ARHGAP33: variants seen among roughly 807,000 people sequenced by gnomAD.
ARHGAP33 encodes the protein rho GTPase-activating protein 33.
ARHGAP33 carries 57 observed loss-of-function variants against 126.2 expected under a neutral mutation model. The ratio of observed to expected loss-of-function variants is 0.45; its 90% CI spans 0.36 to 0.56. The LOEUF (loss-of-function observed/expected upper bound fraction) is 0.56, where lower values mean the gene tolerates loss of function less well. Among genes scored for constraint, ARHGAP33 ranks in the 20% least tolerant of loss-of-function variants. ARHGAP33 has a pLI of 0.00. For missense variants in ARHGAP33, 1,500 were observed against 1,748.3 expected (o/e 0.86, Z 2.53); for synonymous variants, 711 against 755.0 (o/e 0.94, Z 0.95).
rs1971572639 is a variant in ARHGAP33, at chr19:35,778,445, T to G, written c.271-19T>G. Reference sequence around the variant, plus strand: ...GTGTCATGGGGCCCCTGCTCCCTTCTGTCCCTCTGCTCCCACAGGGCCGTT... The same window carrying G: ...GTGTCATGGGGCCCCTGCTCCCTTCGGTCCCTCTGCTCCCACAGGGCCGTT... On this transcript the variant is annotated intron_variant, in intron 4 of 20. Coordinates refer to ENST00000007510, the MANE Select transcript of ARHGAP33 (RefSeq NM_001366178.1). 1 of 1,614,062 alleles carries G rather than the reference T, an allele frequency of 6.2e-7. No individual in the cohort carries two copies.
Position 35,788,365 on chromosome 19 carries a change from C to T in ARHGAP33, c.3800C>T (p.Pro1267Leu), listed in dbSNP as rs911359466. 1 of 1,597,522 alleles carries T rather than the reference C, an allele frequency of 6.3e-7. No homozygotes were observed. The highest frequency in any genetic ancestry group is 8.5e-7 in the Non-Finnish European group (1 of 1,172,972). The change falls in exon 21 of 21, where the codon CCA (proline) becomes CTA (leucine). Residue 1267 changes from proline (P) to leucine (L), a missense_variant. Physicochemically the swap from Pro to Leu is moderately conservative, Grantham distance 98. Coordinates refer to ENST00000007510, the MANE Select transcript of ARHGAP33 (RefSeq NM_001366178.1). ...GGQRGEGAGP[P>L]PPYPTPSWSL... ...CAAAGAGGGGAGGGGGCTGGTCCCC[C>T]ACCCCCTTACCCCACTCCCAGCTGG...
chr19:35,788,298 G>A lies in ARHGAP33; in HGVS notation c.3733G>A (p.Gly1245Arg), dbSNP rs765318855. Residue 1245 changes from glycine to arginine, a missense_variant, in exon 21 of 21, where the codon GGG (glycine) becomes AGG (arginine). Transcript: ENST00000007510. ...YRAAPPAYGR[G>R]GELHRGSLYR... Reference sequence around the variant, plus strand: ...GGCAGCCCCGCCAGCCTACGGAAGGGGGGGCGAGCTCCACCGAGGGTCCTT... The same window carrying A: ...GGCAGCCCCGCCAGCCTACGGAAGGAGGGGCGAGCTCCACCGAGGGTCCTT... 17 of 1,608,260 alleles carry A rather than the reference G, an allele frequency of 1.1e-5. No homozygotes were observed. The highest frequency in any genetic ancestry group is 2.2e-5 in the South Asian group (2 of 90,660).
intron 9 of ARHGAP33, 50 bp from the exon 10 acceptor site, chr19:35,780,707 G>T (rs1441923406): frequency 6.2e-7 from 1 of 1,612,766 alleles, no homozygotes; most frequent in Non-Finnish European, 8.5e-7. Flanking sequence ...GGGGCCTCCT[G>T]CGTCTTTTGC....
chr19:35,784,768 T>TG, intron 16 of ARHGAP33, 185 bp from the exon 17 acceptor site: 1 of 1,364,238 alleles, frequency 7.3e-7, no homozygotes. Flanking sequence ...CATCAGCTCG[T>TG]CCCGCCCCGC....
At chr19:35,776,608 C>T (rs1272277850) in intron 1 of ARHGAP33, among the ~76,000 whole-genome samples, 2 of 152,352 alleles carry the variant, frequency 1.3e-5, no homozygotes, top group East Asian at 1.9e-4. Context: ...CCCTGCTGCG[C>T]GCGACTGGGC....
intron 1 of ARHGAP33, among the ~76,000 whole-genome samples, chr19:35,776,030 G>C (rs1971438668): frequency 6.6e-6 from 1 of 151,616 alleles, no homozygotes; most frequent in Admixed American, 6.6e-5. Context: ...CCTTCTGCCA[G>C]CCCTCAGCCC....
intron 5 of ARHGAP33, 127 bp downstream of exon 5, chr19:35,778,728 T>A: frequency 1.5e-6 from 2 of 1,308,080 alleles, no homozygotes; most frequent in Non-Finnish European, 1.0e-6. Flanking sequence ...CCAATCTGAA[T>A]GAATGGAGAA....
At position 35,788,641 on chromosome 19, in the gene ARHGAP33, G is replaced by C. The variant is rs1972250792; in HGVS notation, c.*212G>C. On this transcript the variant is annotated 3_prime_UTR_variant, in exon 21 of 21. Transcript: ENST00000007510. ...CCATCCCCCCACCACCCTCCATCCT[G>C]GGGGCCCTCGCACAAATCTGGGGTG... The C allele has an allele frequency of 1.9e-6, 1 of 515,012 alleles. No individual in the cohort carries two copies. Among genetic ancestry groups the C allele is most frequent in the Non-Finnish European group, 3.4e-6 (1 of 298,100 alleles). 31.9% of individuals were successfully genotyped at this position (515,012 alleles called of 1,614,324 possible). A position where few individuals can be genotyped will look rare whatever the true frequency, so the allele number is the denominator to read the frequency against.
At chr19:35,779,508 C>A (rs1232685288) in intron 6 of ARHGAP33, among the ~76,000 whole-genome samples, 1 of 152,164 alleles carries the variant, frequency 6.6e-6, no homozygotes, top group African/African-American at 2.4e-5. Flanking sequence ...TCGCCCACCA[C>A]AACCCCTGCC....
rs1206258454 is a variant in ARHGAP33, at chr19:35,787,700, C to T, written c.3135C>T (p.Leu1045=). The part of the protein sequence containing the change: ...PAPRECLPPF[L]GVPKPGLYPL... ...CCAGGGAGTGCCTGCCACCCTTCCT[C>T]GGGGTCCCCAAGCCAGGCTTGTACC... The change falls in exon 21 of 21, where the codon CTC becomes CTT. Residue 1045 remains leucine, a synonymous_variant. Coordinates refer to ENST00000007510, the MANE Select transcript of ARHGAP33 (RefSeq NM_001366178.1). 1.4e-5 allele frequency: 23 copies of T among 1,593,856 alleles called. No homozygotes were observed. The highest frequency in any genetic ancestry group is 2.2e-5 in the East Asian group (1 of 44,762).
At position 35,786,762 on chromosome 19, in the gene ARHGAP33, C is replaced by A; in HGVS notation, c.2292C>A (p.Pro764=). 1 of 1,517,092 alleles carries A rather than the reference C, an allele frequency of 6.6e-7. No individual in the cohort carries two copies. Among genetic ancestry groups the A allele is most frequent in the South Asian group, 1.2e-5 (1 of 80,728 alleles). 94.0% of individuals were successfully genotyped at this position (1,517,092 alleles called of 1,614,324 possible). ...DPAPPASPAP[P]APASAFPPRV... Reference sequence around the variant, plus strand: ...CACCTCCCGCCAGCCCAGCACCCCCCGCCCCTGCCTCTGCCTTCCCACCCA... The same window carrying A: ...CACCTCCCGCCAGCCCAGCACCCCCAGCCCCTGCCTCTGCCTTCCCACCCA... Residue 764 remains proline, a synonymous_variant, in exon 20 of 21, where the codon CCC becomes CCA. Coordinates refer to ENST00000007510, the MANE Select transcript of ARHGAP33 (RefSeq NM_001366178.1). The surrounding 1 kb of genome is among the most constrained non-coding windows in gnomAD (Gnocchi z 7.0).
In ARHGAP33 at chr19:35,777,693, C is replaced by G; in HGVS notation, c.55C>G (p.Pro19Ala). The change falls in exon 2 of 21, where the codon CCT (proline) becomes GCT (alanine). Residue 19 changes from proline (P) to alanine (A), a missense_variant. Around this residue, in one of 6 missense-constraint regions of ARHGAP33, gnomAD observed 129 missense variants for 145.9 expected, o/e 0.88. Transcript: ENST00000007510. ...TGGCCCAGGGGAGGGCTCGGTGCAG[C>G]CTCTACCCACTGCTGGGGGGCCCAG... ...LDGPGEGSVQ[P>A]LPTAGGPSVK... is the part of the protein sequence containing the mutation. The G allele has an allele frequency of 6.3e-7, 1 of 1,598,672 alleles. No individual in the cohort carries two copies. Among genetic ancestry groups the G allele is most frequent in the Non-Finnish European group, 8.5e-7 (1 of 1,172,670 alleles).
At chr19:35,776,345 G>A (rs897168785) in intron 1 of ARHGAP33, among the ~76,000 whole-genome samples, 5 of 151,514 alleles carry the variant, frequency 3.3e-5, no homozygotes, top group African/African-American at 7.3e-5. Context: ...TGCTGCTCCC[G>A]CTCATTCATC....
chr19:35,785,684 A>G (rs1388549112), intron 19 of ARHGAP33: 1 of 1,425,308 alleles, frequency 7.0e-7, no homozygotes, highest in Non-Finnish European at 9.1e-7. Flanking sequence ...TAACTTACTC[A>G]TTGGTCCATG....
rs368625191 is a variant in ARHGAP33, at chr19:35,787,302, G to A, written c.2737G>A (p.Glu913Lys). The change falls in exon 21 of 21, where the codon GAG becomes AAG. Residue 913 changes from glutamate to lysine, a missense_variant. Glu to Lys is a moderately conservative substitution (Grantham distance 56, BLOSUM62 1). Around this residue, in one of 6 missense-constraint regions of ARHGAP33, gnomAD observed 642 missense variants for 634.0 expected, o/e 1.01. Coordinates refer to ENST00000007510, the MANE Select transcript of ARHGAP33 (RefSeq NM_001366178.1). ...ALAERAQQVAEQQSQQECGGT... is the reference protein window; with the variant it reads ...ALAERAQQVAKQQSQQECGGT... Reference sequence around the variant, plus strand: ...GGCTGAGCGGGCTCAGCAGGTGGCCGAGCAACAGAGCCAGCAGGAGTGTGG... The same window carrying A: ...GGCTGAGCGGGCTCAGCAGGTGGCCAAGCAACAGAGCCAGCAGGAGTGTGG... 40 of 1,612,356 alleles carry A rather than the reference G, an allele frequency of 2.5e-5. No homozygotes were observed. Among genetic ancestry groups the A allele is most frequent in the African/African-American group, 4.0e-5 (3 of 74,854 alleles).
intron 19 of ARHGAP33, chr19:35,785,819 C>T (rs1972083804): frequency 1.7e-6 from 2 of 1,186,356 alleles, no homozygotes; most frequent in South Asian, 2.0e-5. Flanking sequence ...TTCCTCCCCA[C>T]TGGAGGCATC....
In ARHGAP33 at chr19:35,777,745, G is replaced by A. The variant is rs537032920; in HGVS notation, c.104+3G>A. Reference sequence around the variant, plus strand: ...GTGAAGGGGAAGCCTGGGAAGAGGTGAGGGTGAGGGAGGAAAGGGCTCAGC... The same window carrying A: ...GTGAAGGGGAAGCCTGGGAAGAGGTAAGGGTGAGGGAGGAAAGGGCTCAGC... On this transcript the variant is annotated splice_donor_region_variant and intron_variant, in intron 2 of 20. Transcript: ENST00000007510. 3.5e-5 allele frequency: 57 copies of A among 1,613,206 alleles called. No homozygotes were observed. In the Admixed American group the frequency reaches 3.8e-4, roughly 11 times the overall value.
chr19:35,781,137 T>A lies in ARHGAP33; in HGVS notation c.983-13T>A. 6.5e-7 allele frequency: 1 copy of A among 1,532,736 alleles called. No individual in the cohort carries two copies. Among genetic ancestry groups the A allele is most frequent in the Non-Finnish European group, 8.9e-7 (1 of 1,129,868 alleles). 94.9% of individuals were successfully genotyped at this position (1,532,736 alleles called of 1,614,324 possible). A position where few individuals can be genotyped will look rare whatever the true frequency, so the allele number is the denominator to read the frequency against. Reference sequence around the variant, plus strand: ...GCTGCGGCCCACCCAGCCCTGACCTTGCTTTCTCCCAGTGCCCCAGGTGCT... The same window carrying A: ...GCTGCGGCCCACCCAGCCCTGACCTAGCTTTCTCCCAGTGCCCCAGGTGCT... On this transcript the variant is annotated splice_polypyrimidine_tract_variant and intron_variant, in intron 11 of 20. Transcript: ENST00000007510.
At position 35,781,005 on chromosome 19, in the gene ARHGAP33, G is replaced by A; in HGVS notation, c.915G>A (p.Arg305=). 1 of 1,611,934 alleles carries A rather than the reference G, an allele frequency of 6.2e-7. No individual in the cohort carries two copies. The highest frequency in any genetic ancestry group is 8.5e-7 in the Non-Finnish European group (1 of 1,179,906). Residue 305 remains arginine, a synonymous_variant, in exon 11 of 21, where the codon CGG becomes CGA. Coordinates refer to ENST00000007510, the MANE Select transcript of ARHGAP33 (RefSeq NM_001366178.1). The stretch of plus-strand genomic sequence containing the variant: ...CTTCTCGGCAGCGGCTGCGGCAGCG[G>A]GGAATCCTGCGACAGAGGGTGTTTG... ...SRPSRQRLRQ[R]GILRQRVFGC...
Sources: allele counts gnomAD v4.1 joint callset (sites outside exome capture counted in the v4.1 genomes callset), GRCh38; gene constraint gnomAD v4.1.1; regional missense constraint gnomAD v4.1.1; non-coding constraint Gnocchi (gnomAD v3.1); transcripts MANE v1.5; gene names NCBI Gene and HGNC (gene_info 2026-07-23, HGNC 2026-07-21).